Variants in CSMD1 observed in about 807,000 individuals in gnomAD.
CSMD1 encodes the protein CUB and sushi domain-containing protein 1.
In CSMD1, 213 loss-of-function variants were observed where a neutral mutation model predicts 417.5. The ratio of observed to expected loss-of-function variants is 0.51; its 90% CI spans 0.46 to 0.57. The LOEUF (loss-of-function observed/expected upper bound fraction) is 0.57, where lower values mean the gene tolerates loss of function less well. Ranked by LOEUF, CSMD1 falls within the 20% of genes least tolerant of loss-of-function variation. The pLI is 0.00. For missense variants in CSMD1, 6,923 were observed against 4,529.7 expected, an observed-to-expected ratio of 1.53 and a Z score of -15.17; for synonymous variants, 2,862 against 1,736.8, an observed-to-expected ratio of 1.65 and a Z score of -16.11.
chr8:3,409,443 C>T lies in CSMD1; in HGVS notation c.1724G>A (p.Gly575Asp). Residue 575 changes from glycine to aspartate, a missense_variant, in exon 13 of 70, where the codon GGC becomes GAC. Physicochemically the swap from Gly to Asp is moderately conservative, Grantham distance 94. Coordinates refer to ENST00000635120, the MANE Select transcript of CSMD1 (RefSeq NM_033225.6). ...ITCQQNNQWS[G>D]NKPSCVFSCF... Reference sequence around the variant, plus strand: ...CTCACATACACAGCTGGGCTTGTTGCCAGACCACTGATTGTTCTGCTGACA... The same window carrying T: ...CTCACATACACAGCTGGGCTTGTTGTCAGACCACTGATTGTTCTGCTGACA... 4 of 1,610,550 alleles carry T rather than the reference C, an allele frequency of 2.5e-6. No homozygotes were observed. Among genetic ancestry groups the T allele is most frequent in the East Asian group, 2.2e-5 (1 of 44,734 alleles).
intron 6 of CSMD1, among the ~76,000 whole-genome samples, chr8:3,742,590 G>A (rs1473890897): frequency 6.6e-6 from 1 of 152,170 alleles, no homozygotes; most frequent in Non-Finnish European, 1.5e-5. Flanking sequence ...CCCCGGGCCA[G>A]TAGTGCTTCA....
chr8:3,253,657 G>T lies in CSMD1; in HGVS notation c.4154-23426C>A, dbSNP rs901432768. ...TAAAGTCTGCCATTATTATTGTGTG[G>T]GAGTCTAAGTCTCTTTGTAGGTCTC... On this transcript the variant is annotated intron_variant, in intron 26 of 69. Coordinates refer to ENST00000635120, the MANE Select transcript of CSMD1 (RefSeq NM_033225.6). Among the ~76,000 whole-genome samples, 7 of 151,924 alleles carry T rather than the reference G, an allele frequency of 4.6e-5. No homozygotes were observed. The South Asian group carries it at 1.5e-3, about 32-fold the overall frequency.
At chr8:3,936,134 G>C (rs902979975) in intron 5 of CSMD1, among the ~76,000 whole-genome samples, 3 of 151,084 alleles carry the variant, frequency 2.0e-5, no homozygotes, top group Non-Finnish European at 4.4e-5. Flanking sequence ...AAGTAAGGAA[G>C]CTGCAGAAGA....
At chr8:3,325,203 G>C (rs542028527) in intron 23 of CSMD1, among the ~76,000 whole-genome samples, 1 of 152,140 alleles carries the variant, frequency 6.6e-6, no homozygotes, top group Admixed American at 6.5e-5. Flanking sequence ...CGGTGTCCAG[G>C]TCTCCAGGCT....
chr8:3,304,620 T>G (rs1343549838), intron 25 of CSMD1, among the ~76,000 whole-genome samples: 1 of 152,176 alleles, frequency 6.6e-6, no homozygotes, highest in Non-Finnish European at 1.5e-5. Context: ...ATTTATAAAT[T>G]TGATAGTGTG....
intron 3 of CSMD1, among the ~76,000 whole-genome samples, chr8:4,121,281 G>C (rs535693965): frequency 5.3e-5 from 8 of 151,686 alleles, no homozygotes; most frequent in Admixed American, 1.3e-4. Context: ...CACCCAGCTC[G>C]TTTTTGTATT....
intron 3 of CSMD1, among the ~76,000 whole-genome samples, chr8:4,119,913 T>C (rs1309664213): frequency 6.6e-6 from 1 of 151,544 alleles, no homozygotes; most frequent in East Asian, 1.9e-4. Context: ...GTAAGGGTAG[T>C]GGGAGGGTGA....
chr8:3,950,033 A>C (rs1254539478), intron 5 of CSMD1: 2 of 455,608 alleles, frequency 4.4e-6, no homozygotes, highest in African/African-American at 2.0e-5. Context: ...TCCTGTGCGT[A>C]TTTGCTGTCA....
At chr8:4,003,951 A>T (rs1397782916) in intron 4 of CSMD1, among the ~76,000 whole-genome samples, 1 of 151,920 alleles carries the variant, frequency 6.6e-6, no homozygotes, top group Non-Finnish European at 1.5e-5. Context: ...AGAACAAAAC[A>T]AAAAAACCAT....
chr8:4,780,434 T>C (rs1309783262), intron 1 of CSMD1, among the ~76,000 whole-genome samples: 1 of 152,180 alleles, frequency 6.6e-6, no homozygotes, highest in Non-Finnish European at 1.5e-5. Flanking sequence ...TCTGTCTGTC[T>C]GTCTACCTAC....
At chr8:4,570,796 A>G (rs1041163081) in intron 2 of CSMD1, among the ~76,000 whole-genome samples, 1 of 152,160 alleles carries the variant, frequency 6.6e-6, no homozygotes, top group Non-Finnish European at 1.5e-5. Flanking sequence ...TTGGTAGGCT[A>G]TTAATCACTG....
Position 3,254,229 on chromosome 8 carries a change from T to G in CSMD1, c.4154-23998A>C, listed in dbSNP as rs1255271111. Among the ~76,000 whole-genome samples the G allele has an allele frequency of 5.9e-5, 9 of 152,354 alleles. No individual in the cohort carries two copies. The East Asian group carries it at 1.4e-3, about 23-fold the overall frequency. On this transcript the variant is annotated intron_variant, in intron 26 of 69. Transcript: ENST00000635120. ...CCACTCTCTTCTGGCTTGTAGAGTT[T>G]CTGTCGAGAGATCAGCTGTTAGTCT...
At chr8:3,857,803 G>A (rs1231754058) in intron 5 of CSMD1, among the ~76,000 whole-genome samples, 1 of 152,196 alleles carries the variant, frequency 6.6e-6, no homozygotes, top group South Asian at 2.1e-4. Context: ...TACAACACCA[G>A]GCCAGAGTAG....
chr8:3,313,266 A>C lies in CSMD1; in HGVS notation c.3632-4763T>G, dbSNP rs1805493455. Among the ~76,000 whole-genome samples the C allele has an allele frequency of 2.6e-5, 4 of 152,356 alleles. No individual in the cohort carries two copies. The South Asian group carries it at 8.3e-4, about 32-fold the overall frequency. On this transcript the variant is annotated intron_variant, in intron 23 of 69. Transcript: ENST00000635120. ...ATGGCAACAAAACCCAAAATTGACA[A>C]ATGGGATCGGATTAAACTAACGAGG...
intron 2 of CSMD1, among the ~76,000 whole-genome samples, chr8:4,559,929 T>G (rs561101367): frequency 6.6e-6 from 1 of 152,358 alleles, no homozygotes; most frequent in East Asian, 1.9e-4. Flanking sequence ...GGTTTCCTGA[T>G]CATAAAACAC....
chr8:3,038,692 G>GA (rs57760507), intron 50 of CSMD1, among the ~76,000 whole-genome samples: 34,663 of 151,210 alleles, frequency 0.23, 4,583 homozygotes, highest in East Asian at 0.33. Flanking sequence ...GCTCTTTGCT[G>GA]AAAAAAAAAT....
intron 5 of CSMD1, among the ~76,000 whole-genome samples, chr8:3,835,218 G>C (rs1003537493): frequency 1.3e-5 from 2 of 151,082 alleles, no homozygotes; most frequent in Admixed American, 6.6e-5. Context: ...CCATTACTGG[G>C]TATATACCCA....
At chr8:4,317,944 G>A (rs951953925) in intron 3 of CSMD1, among the ~76,000 whole-genome samples, 5 of 152,096 alleles carry the variant, frequency 3.3e-5, no homozygotes, top group African/African-American at 1.2e-4. Flanking sequence ...ATATGTTGCC[G>A]TTCCGAATTT....
chr8:4,001,118 C>T (rs936402977), intron 4 of CSMD1, among the ~76,000 whole-genome samples: 1 of 151,276 alleles, frequency 6.6e-6, no homozygotes, highest in African/African-American at 2.4e-5. Context: ...TGAGCTGAAT[C>T]ACTTTCTATT....
Sources: allele counts gnomAD v4.1 joint callset (sites outside exome capture counted in the v4.1 genomes callset), GRCh38; gene constraint gnomAD v4.1.1; transcripts MANE v1.5; gene names NCBI Gene and HGNC (gene_info 2026-07-23, HGNC 2026-07-21).